The following KIF16B variants were observed in gnomAD, a reference collection of about 807,000 sequenced individuals.
The protein encoded by KIF16B is kinesin family member 16B, also known as kinesin-like protein KIF16B.
KIF16B carries 98 observed loss-of-function variants against 156.3 expected under a neutral mutation model. The ratio of observed to expected loss-of-function variants is 0.63; its 90% CI spans 0.53 to 0.74. The LOEUF is 0.74. KIF16B is among the 30% of genes least tolerant of loss of function. The pLI is 0.00. For synonymous variants in KIF16B, 564 were observed against 583.7 expected (o/e 0.97, Z 0.49); for missense variants, 1,421 against 1,606.5 (o/e 0.88, Z 1.97).
chr20:16,571,989 A>C (rs1033595744), intron 1 of KIF16B, among the ~76,000 whole-genome samples: 1 of 152,246 alleles, frequency 6.6e-6, no homozygotes. Flanking sequence ...TTTCCAAAAA[A>C]GAAAAAGAAC....
intron 23 of KIF16B, among the ~76,000 whole-genome samples, chr20:16,346,645 A>G (rs554325148): frequency 6.6e-6 from 1 of 152,346 alleles, no homozygotes; most frequent in African/African-American, 2.4e-5. Flanking sequence ...GCATCTTCAA[A>G]ACAGGCTGTA....
At chr20:16,312,465 A>T (rs770648111) in intron 24 of KIF16B, 47 bp from the exon 25 acceptor site, 2 of 1,298,170 alleles carry the variant, frequency 1.5e-6, no homozygotes, top group South Asian at 1.2e-5. Context: ...ATACCTGTTA[A>T]TTGTTGGGCT....
intron 12 of KIF16B, among the ~76,000 whole-genome samples, chr20:16,488,196 C>A (rs966905293): frequency 1.3e-5 from 2 of 152,200 alleles, no homozygotes; most frequent in Non-Finnish European, 1.5e-5. Flanking sequence ...ATAACCAATG[C>A]TGGAAGGATT....
At chr20:16,566,481 G>A (rs1028670324) in intron 1 of KIF16B, among the ~76,000 whole-genome samples, 2 of 152,224 alleles carry the variant, frequency 1.3e-5, no homozygotes, top group African/African-American at 4.8e-5. Context: ...AGACAGCCCT[G>A]TTTTAGAACC....
chr20:16,458,544 C>T (rs2067268700), intron 12 of KIF16B, among the ~76,000 whole-genome samples: 2 of 151,986 alleles, frequency 1.3e-5, no homozygotes, highest in Non-Finnish European at 2.9e-5. Context: ...TTTCGGAAAA[C>T]TCTGTCTTTA....
intron 17 of KIF16B, among the ~76,000 whole-genome samples, chr20:16,385,009 C>T (rs2065194311): frequency 6.6e-6 from 1 of 151,952 alleles, no homozygotes; most frequent in African/African-American, 2.4e-5. Context: ...CCAACCTGGC[C>T]AACACGGTGA....
intron 1 of KIF16B, among the ~76,000 whole-genome samples, chr20:16,556,906 T>C (rs182773977): frequency 2.5e-4 from 38 of 152,180 alleles, no homozygotes; most frequent in Non-Finnish European, 4.1e-4. Context: ...CACTTACCAC[T>C]ACCTTATGAT....
intron 24 of KIF16B, among the ~76,000 whole-genome samples, chr20:16,315,845 C>A (rs2063689991): frequency 6.6e-6 from 1 of 152,144 alleles, no homozygotes. Flanking sequence ...CAATGTGGCT[C>A]ATGATAGAAA....
intron 25 of KIF16B, among the ~76,000 whole-genome samples, chr20:16,304,818 A>T (rs112640297): frequency 6.6e-6 from 1 of 152,210 alleles, no homozygotes; most frequent in African/African-American, 2.4e-5. Context: ...AATCTATAAA[A>T]ATGTCTAAAC....
intron 22 of KIF16B, chr20:16,367,366 T>A: frequency 6.2e-7 from 1 of 1,612,862 alleles, no homozygotes; most frequent in Non-Finnish European, 8.5e-7. Context: ...TGTTGACACA[T>A]TTTTCTTTTC....
At chr20:16,528,064 G>T (rs571469751) in intron 2 of KIF16B, among the ~76,000 whole-genome samples, 1 of 152,138 alleles carries the variant, frequency 6.6e-6, no homozygotes, top group Non-Finnish European at 1.5e-5. Flanking sequence ...CAATTGCCAG[G>T]CTAAGTCCCT....
intron 25 of KIF16B, among the ~76,000 whole-genome samples, chr20:16,294,203 A>G (rs1345072824): frequency 2.0e-5 from 3 of 152,210 alleles, no homozygotes; most frequent in East Asian, 1.9e-4. Context: ...CAAAACAGCA[A>G]TAAGTGTAAA....
intron 15 of KIF16B, among the ~76,000 whole-genome samples, chr20:16,408,623 T>C (rs1336270173): frequency 2.0e-5 from 3 of 152,076 alleles, no homozygotes; most frequent in Admixed American, 1.3e-4. Context: ...AATGGAAAAA[T>C]AGAATGGTAT....
chr20:16,276,190 GTT>G (rs552082630), intron 25 of KIF16B, among the ~76,000 whole-genome samples: 24 of 152,200 alleles, frequency 1.6e-4, no homozygotes, highest in Non-Finnish European at 3.1e-4. Flanking sequence ...GGGAGCAGAT[GTT>G]ATATCAGCAT....
At position 16,526,194 on chromosome 20, in the gene KIF16B, T is replaced by C. The variant is rs1025871648; in HGVS notation, c.129A>G (p.Gly43=). The C allele has an allele frequency of 1.9e-6, 3 of 1,569,730 alleles. No homozygotes were observed. In the African/African-American group the frequency reaches 4.1e-5, roughly 21 times the overall value. The change falls in exon 3 of 26, where the codon GGA becomes GGG. Residue 43 remains glycine, a synonymous_variant. Transcript: ENST00000354981. ...GTTCTCTTCCTGAGTCCCCAGTGCC[T>C]CCTTCTGGTATCTAGAAAGAAATGA... is the stretch of plus-strand genomic sequence containing the variant. ...TTITNLKIPE[G]GTGDSGRERT...
At chr20:16,445,419 C>CGT (rs11467171) in intron 12 of KIF16B, among the ~76,000 whole-genome samples, 4,806 of 146,830 alleles carry the variant, frequency 0.033, 97 homozygotes, top group Admixed American at 0.07. Flanking sequence ...CATGTATATA[C>CGT]GTGTGTGTGT....
chr20:16,468,712 GAACA>G (rs2067570398), intron 12 of KIF16B, among the ~76,000 whole-genome samples: 1 of 150,618 alleles, frequency 6.6e-6, no homozygotes, highest in Admixed American at 6.6e-5. Context: ...AGAGCTGAAA[GAACA>G]AATAAACAAA....
intron 22 of KIF16B, chr20:16,368,669 A>T: frequency 1.0e-6 from 1 of 985,584 alleles, no homozygotes; most frequent in Non-Finnish European, 1.2e-6. Context: ...TTAGCATCCA[A>T]CTCTTCCTCA....
chr20:16,296,104 G>A (rs181539180), intron 25 of KIF16B, among the ~76,000 whole-genome samples: 2 of 152,270 alleles, frequency 1.3e-5, no homozygotes, highest in Non-Finnish European at 2.9e-5. Flanking sequence ...ACTGTAAAGG[G>A]CAGCAAAATG....
Sources: allele counts gnomAD v4.1 joint callset (sites outside exome capture counted in the v4.1 genomes callset), GRCh38; gene constraint gnomAD v4.1.1; transcripts MANE v1.5; gene names NCBI Gene and HGNC (gene_info 2026-07-23, HGNC 2026-07-21).